The following CCSER1 variants were observed in gnomAD, a reference collection of about 807,000 sequenced individuals.
CCSER1 encodes coiled-coil serine rich protein 1.
Under a neutral mutation model 82.0 loss-of-function variants are expected in CCSER1, and 41 were observed. The observed-to-expected ratio is 0.50, with a 90% confidence interval of 0.39 to 0.65. CCSER1 has a LOEUF of 0.65. Among genes scored for constraint, CCSER1 ranks in the 30% least tolerant of loss-of-function variants. The probability of loss-of-function intolerance (pLI) is 0.00; values close to 1 mark genes in which losing one functional copy is unlikely to be tolerated. For synonymous variants in CCSER1, 414 were observed against 383.9 expected, an observed-to-expected ratio of 1.08 and a Z score of -0.92; for missense variants, 1,119 against 1,064.2, an observed-to-expected ratio of 1.05 and a Z score of -0.72.
intron 10 of CCSER1, among the ~76,000 whole-genome samples, chr4:91,218,628 T>C (rs1328885990): frequency 2.0e-5 from 3 of 152,222 alleles, no homozygotes; most frequent in African/African-American, 7.2e-5. Context: ...GGAAATTTCA[T>C]TGAATTGTTG....
At chr4:91,516,593 C>T (rs1487057854) in intron 10 of CCSER1, among the ~76,000 whole-genome samples, 1 of 152,082 alleles carries the variant, frequency 6.6e-6, no homozygotes. Context: ...TGGTACTATA[C>T]TGTTTTGGTT....
At chr4:91,296,288 A>T (rs1472970505) in intron 10 of CCSER1, among the ~76,000 whole-genome samples, 1 of 151,048 alleles carries the variant, frequency 6.6e-6, no homozygotes, top group African/African-American at 2.4e-5. Context: ...ATAGAACACC[A>T]CTCCCTTAGA....
intron 3 of CCSER1, among the ~76,000 whole-genome samples, chr4:90,377,938 T>C (rs1748622869): frequency 6.6e-6 from 1 of 152,158 alleles, no homozygotes; most frequent in Admixed American, 6.5e-5. Context: ...CATTGTCTTT[T>C]GTTGTTACCA....
intron 10 of CCSER1, among the ~76,000 whole-genome samples, chr4:91,331,491 G>A (rs968396708): frequency 2.6e-5 from 4 of 151,952 alleles, no homozygotes; most frequent in African/African-American, 2.4e-5. Context: ...CCACAGTGAC[G>A]TTTTCCTTCC....
chr4:90,722,102 A>T (rs1742780526), intron 6 of CCSER1, among the ~76,000 whole-genome samples: 1 of 151,704 alleles, frequency 6.6e-6, no homozygotes, highest in South Asian at 2.1e-4. Flanking sequence ...TTTACCATGA[A>T]CCTTGACTTT....
chr4:91,161,775 A>T (rs1014891662), intron 10 of CCSER1, among the ~76,000 whole-genome samples: 1 of 152,046 alleles, frequency 6.6e-6, no homozygotes, highest in Non-Finnish European at 1.5e-5. Flanking sequence ...CATAATAAGC[A>T]ACATGAAGCA....
chr4:90,243,061 TC>T (rs1720678407), intron 1 of CCSER1, among the ~76,000 whole-genome samples: 1 of 135,038 alleles, frequency 7.4e-6, no homozygotes, highest in South Asian at 2.4e-4. Flanking sequence ...TCTCTCTCTC[TC>T]TTTTTTTTTT....
At chr4:91,382,040 G>A (rs116836634) in intron 10 of CCSER1, among the ~76,000 whole-genome samples, 1,913 of 152,284 alleles carry the variant, frequency 0.013, 42 homozygotes, top group African/African-American at 0.043. Context: ...CTGTTTGCCT[G>A]GGTGTCAGCA....
chr4:91,387,661 G>A (rs1328623671), intron 10 of CCSER1, among the ~76,000 whole-genome samples: 1 of 151,940 alleles, frequency 6.6e-6, no homozygotes, highest in Admixed American at 6.6e-5. Flanking sequence ...GTACCTTTCT[G>A]TGTATTACAA....
intron 10 of CCSER1, among the ~76,000 whole-genome samples, chr4:91,440,702 A>G (rs1755062098): frequency 6.6e-6 from 1 of 152,202 alleles, no homozygotes; most frequent in Non-Finnish European, 1.5e-5. Flanking sequence ...GAAAGGATCA[A>G]CAACATTGAT....
chr4:91,015,646 A>G (rs1739364127), intron 9 of CCSER1, among the ~76,000 whole-genome samples: 2 of 152,032 alleles, frequency 1.3e-5, no homozygotes, highest in South Asian at 2.1e-4. Flanking sequence ...TTAAATATTT[A>G]TAAACAGGTA....
At chr4:90,597,053 T>C (rs182029898) in intron 5 of CCSER1, among the ~76,000 whole-genome samples, 1 of 152,132 alleles carries the variant, frequency 6.6e-6, no homozygotes, top group East Asian at 1.9e-4. Flanking sequence ...ATCTATTAAG[T>C]TACAATTTCA....
chr4:90,293,069 A>T (rs1430857137), intron 1 of CCSER1, among the ~76,000 whole-genome samples: 2 of 151,892 alleles, frequency 1.3e-5, no homozygotes, highest in African/African-American at 2.4e-5. Flanking sequence ...TTAATACAAT[A>T]AAAAATAAAG....
intron 5 of CCSER1, among the ~76,000 whole-genome samples, chr4:90,478,839 C>A (rs28479923): frequency 3.0e-3 from 448 of 151,200 alleles, no homozygotes; most frequent in African/African-American, 0.011. Context: ...CTCCCAGGTT[C>A]AAGCAATTCT....
intron 1 of CCSER1, among the ~76,000 whole-genome samples, chr4:90,295,239 A>T (rs570519195): frequency 6.6e-6 from 1 of 152,050 alleles, no homozygotes; most frequent in South Asian, 2.1e-4. Context: ...TTTTCATTTT[A>T]TACTTTGATA....
At chr4:91,186,498 C>T (rs1734548479) in intron 10 of CCSER1, among the ~76,000 whole-genome samples, 1 of 152,062 alleles carries the variant, frequency 6.6e-6, no homozygotes, top group African/African-American at 2.4e-5. Context: ...TTCGAGCCCC[C>T]GTGATGGACG....
At chr4:91,123,204 A>G (rs948765717) in intron 10 of CCSER1, among the ~76,000 whole-genome samples, 2 of 151,748 alleles carry the variant, frequency 1.3e-5, no homozygotes, top group African/African-American at 2.4e-5. Context: ...CAAATAGCAT[A>G]GTTTTCATTT....
At chr4:90,273,457 A>G (rs927373551) in intron 1 of CCSER1, among the ~76,000 whole-genome samples, 2 of 152,166 alleles carry the variant, frequency 1.3e-5, no homozygotes, top group African/African-American at 4.8e-5. Context: ...CCTGTATCAG[A>G]ATACCTCATA....
At chr4:90,932,994 A>AAGAGAGAGAGAGAG (rs1391712277) in intron 9 of CCSER1, among the ~76,000 whole-genome samples, 1 of 60,404 alleles carries the variant, frequency 1.7e-5, no homozygotes, top group African/African-American at 1.1e-4. Context: ...GAAAGAAAGA[A>AAGAGAGAGAGAGAG]AGAAAGAAAG....
Sources: allele counts gnomAD v4.1 joint callset (sites outside exome capture counted in the v4.1 genomes callset), GRCh38; gene constraint gnomAD v4.1.1; transcripts MANE v1.5; gene names NCBI Gene and HGNC (gene_info 2026-07-23, HGNC 2026-07-21).